Variants in EPHA6 observed in about 807,000 individuals in gnomAD.
EPHA6 encodes ephrin type-A receptor 6.
In EPHA6, 50 loss-of-function variants were observed where a neutral mutation model predicts 112.0. The observed-to-expected ratio is 0.45, with a 90% CI of 0.36 to 0.56. The LOEUF (loss-of-function observed/expected upper bound fraction) is 0.56. Ranked by LOEUF, EPHA6 falls within the 20% of genes least tolerant of loss-of-function variation. The probability of loss-of-function intolerance (pLI) is 0.00; values close to 1 mark genes in which losing one functional copy is unlikely to be tolerated. For missense variants in EPHA6, 1,280 were observed against 1,417.4 expected (o/e 0.90, Z 1.56); for synonymous variants, 529 against 490.7 (o/e 1.08, Z -1.03).
At chr3:97,557,611 A>T (rs2093130167) in intron 11 of EPHA6, among the ~76,000 whole-genome samples, 1 of 151,558 alleles carries the variant, frequency 6.6e-6, no homozygotes, top group African/African-American at 2.4e-5. Flanking sequence ...AGAATAGAAA[A>T]CTCACTTTTT....
chr3:97,462,702 CT>C (rs924856775), intron 7 of EPHA6, among the ~76,000 whole-genome samples: 3 of 152,090 alleles, frequency 2.0e-5, no homozygotes, highest in Non-Finnish European at 2.9e-5. Context: ...AAGGATTTTA[CT>C]TTTCAAATTA....
chr3:97,228,902 T>G (rs904745840), intron 4 of EPHA6, among the ~76,000 whole-genome samples: 1 of 152,226 alleles, frequency 6.6e-6, no homozygotes, highest in Non-Finnish European at 1.5e-5. Flanking sequence ...GATTTCTTAA[T>G]TATGGCCATT....
chr3:97,505,668 T>C (rs1440959389), intron 10 of EPHA6, among the ~76,000 whole-genome samples: 2 of 152,192 alleles, frequency 1.3e-5, no homozygotes, highest in African/African-American at 2.4e-5. Flanking sequence ...GGTGTCTTTA[T>C]AGTAGAATGA....
intron 13 of EPHA6, among the ~76,000 whole-genome samples, chr3:97,619,234 C>T (rs1241722992): frequency 1.3e-5 from 2 of 151,992 alleles, no homozygotes; most frequent in African/African-American, 4.8e-5. Context: ...TAAAAACTCT[C>T]AATAAACTAG....
At chr3:96,939,089 A>C (rs1219055992) in intron 2 of EPHA6, among the ~76,000 whole-genome samples, 4 of 152,156 alleles carry the variant, frequency 2.6e-5, no homozygotes, top group Non-Finnish European at 4.4e-5. Flanking sequence ...TGTCTCTGCC[A>C]GGCTTTGGTA....
chr3:96,994,732 T>TAGAGAGAGAGAGAGAGAGAGAGAGAG (rs71623564), intron 3 of EPHA6, among the ~76,000 whole-genome samples: 8 of 82,202 alleles, frequency 9.7e-5, no homozygotes, highest in African/African-American at 4.5e-4. Context: ...TATATATATA[T>TAGAGAGAGAGAGAGAGAGAGAGAGAG]AGAGAGAGAG....
intron 1 of EPHA6, among the ~76,000 whole-genome samples, chr3:96,863,839 A>T (rs556063279): frequency 4.6e-5 from 7 of 152,154 alleles, no homozygotes; most frequent in Admixed American, 3.3e-4. Flanking sequence ...CGCATTAGAG[A>T]TTTTAGACAC....
intron 5 of EPHA6, among the ~76,000 whole-genome samples, chr3:97,352,573 T>A (rs899036162): frequency 1.3e-5 from 2 of 152,136 alleles, no homozygotes; most frequent in African/African-American, 4.8e-5. Context: ...TGGAATTCAG[T>A]TGGTGCCCAC....
chr3:97,569,729 G>A (rs192602135), intron 11 of EPHA6, among the ~76,000 whole-genome samples: 3 of 152,144 alleles, frequency 2.0e-5, no homozygotes, highest in Non-Finnish European at 4.4e-5. Flanking sequence ...TATTCTTTGT[G>A]TCTGCATATA....
intron 1 of EPHA6, among the ~76,000 whole-genome samples, chr3:96,820,297 C>T (rs554056482): frequency 1.3e-5 from 2 of 151,868 alleles, no homozygotes; most frequent in South Asian, 2.1e-4. Flanking sequence ...AGGTTTTGAC[C>T]AGTTGAGTAA....
At chr3:97,684,180 C>T (rs2032079872) in intron 14 of EPHA6, among the ~76,000 whole-genome samples, 1 of 152,060 alleles carries the variant, frequency 6.6e-6, no homozygotes, top group Non-Finnish European at 1.5e-5. Flanking sequence ...GTGCTTAATT[C>T]TTTTTCGTAC....
chr3:97,666,978 G>C (rs1415914839), intron 14 of EPHA6, among the ~76,000 whole-genome samples: 2 of 152,180 alleles, frequency 1.3e-5, no homozygotes, highest in African/African-American at 2.4e-5. Context: ...CCTATTCTAA[G>C]TAGTTTGTGT....
At chr3:97,648,759 C>T (rs1257246958) in intron 14 of EPHA6, among the ~76,000 whole-genome samples, 5 of 152,068 alleles carry the variant, frequency 3.3e-5, no homozygotes, top group African/African-American at 1.2e-4. Flanking sequence ...TATATAATAA[C>T]CAATGCACTG....
intron 3 of EPHA6, among the ~76,000 whole-genome samples, chr3:97,115,168 G>A (rs1192394943): frequency 1.3e-5 from 2 of 151,842 alleles, no homozygotes; most frequent in Non-Finnish European, 2.9e-5. Context: ...AGGGATTTTT[G>A]TTTTGTTTTG....
chr3:97,556,472 G>A (rs1423030477), intron 11 of EPHA6, among the ~76,000 whole-genome samples: 4 of 151,972 alleles, frequency 2.6e-5, no homozygotes, highest in Non-Finnish European at 5.9e-5. Context: ...TTCTTCACAT[G>A]GCACAGCAAG....
intron 2 of EPHA6, among the ~76,000 whole-genome samples, chr3:96,869,315 A>C (rs2036504386): frequency 6.6e-6 from 1 of 151,852 alleles, no homozygotes; most frequent in African/African-American, 2.4e-5. Flanking sequence ...AGAATAATAA[A>C]AGGAGAGGTT....
intron 3 of EPHA6, among the ~76,000 whole-genome samples, chr3:97,132,847 A>G (rs994750063): frequency 2.0e-5 from 3 of 152,050 alleles, no homozygotes; most frequent in African/African-American, 7.2e-5. Flanking sequence ...TAATCGAAGT[A>G]TGCATTCACC....
At chr3:97,648,251 T>C in intron 14 of EPHA6, 1 of 825,192 alleles carries the variant, frequency 1.2e-6, no homozygotes, top group Non-Finnish European at 2.1e-6. Flanking sequence ...TACAGTTCTG[T>C]TAACATCTTA....
rs1358487510 is a variant in EPHA6, at chr3:97,174,693, C to T, written c.1115-51571C>T. ...CTATACCTGTTTGCCATGTGTATGT[C>T]CTCTAAGAAATGTCTATTCAAATAT... On this transcript the variant is annotated intron_variant, in intron 3 of 17. Coordinates refer to ENST00000389672, the MANE Select transcript of EPHA6 (RefSeq NM_001080448.3). Among the ~76,000 whole-genome samples, 4 of 151,780 alleles carry T rather than the reference C, an allele frequency of 2.6e-5. No homozygotes were observed. In the South Asian group the frequency reaches 6.2e-4, roughly 24 times the overall value.
Sources: gnomAD v4.1 joint callset for allele counts (sites outside exome capture counted in the v4.1 genomes callset) on GRCh38, gnomAD v4.1.1 for gene constraint, MANE v1.5 for transcripts, NCBI Gene and HGNC (gene_info 2026-07-23, HGNC 2026-07-21) for gene names.